The following MAGI2 variants were observed in gnomAD, a reference collection of about 807,000 sequenced individuals.
The protein encoded by MAGI2 is membrane associated guanylate kinase, WW and PDZ domain containing 2, also known as membrane-associated guanylate kinase, WW and PDZ domain-containing protein 2.
Under a neutral mutation model 133.3 loss-of-function variants are expected in MAGI2, and 35 were observed. That is an observed-to-expected ratio of 0.26 (90% confidence interval 0.20 to 0.35). The LOEUF is 0.35. Among genes scored for constraint, MAGI2 ranks in the 10% least tolerant of loss-of-function variants. The pLI, the probability that MAGI2 is intolerant of heterozygous loss-of-function variation, is 1.00. For synonymous variants in MAGI2, 729 were observed against 710.6 expected, an observed-to-expected ratio of 1.03 and a Z score of -0.41; for missense variants, 1,636 against 1,863.4, an observed-to-expected ratio of 0.88 and a Z score of 2.25.
In MAGI2 at chr7:79,020,219, TG is replaced by T. The variant is rs543524419; in HGVS notation, c.302-13014del. Among the ~76,000 whole-genome samples the T allele has an allele frequency of 1.3e-3, 197 of 152,292 alleles. 3 individuals are homozygous for T. Among genetic ancestry groups the T allele is most frequent in the Admixed American group, 1.4e-3 (22 of 15,304 alleles). ...CCTACCTTAGAGACGTGTGGAACTT[TG>T]AACTTGAGAGAGATGATTTAGGGTA... On this transcript the variant is annotated intron_variant, in intron 1 of 21. Transcript: ENST00000354212.
rs374531726 is a variant in MAGI2 at position 79,316,119 on chromosome 7, G to A, written c.301+136901C>T. ...AAAATTCAAAAAGGATGGGGGGCCA[G>A]GTCAAGGCTGAGAAGGAAGAGACTT... is the stretch of plus-strand genomic sequence containing the variant. On this transcript the variant is annotated intron_variant, in intron 1 of 21. Coordinates refer to ENST00000354212, the MANE Select transcript of MAGI2 (RefSeq NM_012301.4). Among the ~76,000 whole-genome samples, 7 of 152,220 alleles carry A rather than the reference G, an allele frequency of 4.6e-5. No homozygotes were observed. In the East Asian group the frequency reaches 9.7e-4, roughly 21 times the overall value.
chr7:78,722,479 G>A (rs547987955), intron 2 of MAGI2, among the ~76,000 whole-genome samples: 13 of 152,070 alleles, frequency 8.5e-5, no homozygotes, highest in African/African-American at 3.1e-4. Flanking sequence ...ATATTCAAAT[G>A]TTACAAAATG....
At chr7:78,792,972 A>C (rs1388860122) in intron 2 of MAGI2, among the ~76,000 whole-genome samples, 1 of 152,232 alleles carries the variant, frequency 6.6e-6, no homozygotes, top group Non-Finnish European at 1.5e-5. Context: ...GACTGGCTCC[A>C]TGTCTTTCAG....
chr7:79,044,733 C>T (rs1293461799), intron 1 of MAGI2, among the ~76,000 whole-genome samples: 1 of 152,164 alleles, frequency 6.6e-6, no homozygotes, highest in Non-Finnish European at 1.5e-5. Context: ...TTTCAGGATA[C>T]AAAATCAATG....
chr7:79,152,573 T>C (rs564207772), intron 1 of MAGI2, among the ~76,000 whole-genome samples: 14 of 152,226 alleles, frequency 9.2e-5, no homozygotes, highest in African/African-American at 3.4e-4. Flanking sequence ...CAGGCAACAC[T>C]GTCTGCTGGT....
chr7:78,418,719 G>A (rs1455709920), intron 6 of MAGI2, among the ~76,000 whole-genome samples: 1 of 152,112 alleles, frequency 6.6e-6, no homozygotes, highest in Non-Finnish European at 1.5e-5. Flanking sequence ...ACTGTTTGAT[G>A]GCAAAGTCAG....
At chr7:78,150,852 C>T (rs966004463) in intron 16 of MAGI2, among the ~76,000 whole-genome samples, 1 of 152,046 alleles carries the variant, frequency 6.6e-6, no homozygotes, top group African/African-American at 2.4e-5. Flanking sequence ...TGTGAACACA[C>T]AGATTTTTTT....
At chr7:78,363,783 C>T (rs901807699) in intron 7 of MAGI2, among the ~76,000 whole-genome samples, 2 of 152,126 alleles carry the variant, frequency 1.3e-5, no homozygotes, top group Non-Finnish European at 2.9e-5. Context: ...TAAATACCAA[C>T]TCTGGAATAA....
intron 1 of MAGI2, among the ~76,000 whole-genome samples, chr7:79,101,416 C>A (rs1363415803): frequency 6.6e-6 from 1 of 152,026 alleles, no homozygotes; most frequent in African/African-American, 2.4e-5. Context: ...AAAGTTAATG[C>A]TGATGGTTTT....
rs545930356 is a variant in MAGI2 at position 79,433,469 on chromosome 7, C to T, written c.301+19551G>A. Reference sequence around the variant, plus strand: ...TCGGGAGGCTGAGGCAGGAGAATGGCGTGCACCCGGGAGGCGGAGCTTGCA... The same window carrying T: ...TCGGGAGGCTGAGGCAGGAGAATGGTGTGCACCCGGGAGGCGGAGCTTGCA... On this transcript the variant is annotated intron_variant, in intron 1 of 21. Coordinates refer to ENST00000354212, the MANE Select transcript of MAGI2 (RefSeq NM_012301.4). 5.3e-5 allele frequency among the ~76,000 whole-genome samples: 8 copies of T among 151,988 alleles called. No individual in the cohort carries two copies. The South Asian group carries it at 1.0e-3, about 20-fold the overall frequency.
intron 2 of MAGI2, among the ~76,000 whole-genome samples, chr7:78,663,765 TA>T (rs1414825664): frequency 6.6e-6 from 1 of 152,182 alleles, no homozygotes; most frequent in Non-Finnish European, 1.5e-5. Flanking sequence ...GAAATAGCCT[TA>T]ATGCATAACA....
At chr7:78,118,795 T>C (rs1820134337) in intron 20 of MAGI2, among the ~76,000 whole-genome samples, 1 of 152,172 alleles carries the variant, frequency 6.6e-6, no homozygotes, top group South Asian at 2.1e-4. Context: ...CTGCTGGTTG[T>C]TTCTTACAAA....
At chr7:79,266,511 G>A (rs1834470430) in intron 1 of MAGI2, among the ~76,000 whole-genome samples, 1 of 152,082 alleles carries the variant, frequency 6.6e-6, no homozygotes, top group East Asian at 1.9e-4. Flanking sequence ...TCCCCACTAA[G>A]GGGAGTAGGG....
intron 1 of MAGI2, among the ~76,000 whole-genome samples, chr7:79,214,397 CTCTCTCTCTCTATATATATA>C (rs1246208531): frequency 4.4e-4 from 36 of 82,724 alleles, no homozygotes; most frequent in African/African-American, 1.9e-3. Context: ...CTCTCTCTCT[CTCTCTCTCTCTATATATATA>C]TATATATATA....
intron 1 of MAGI2, among the ~76,000 whole-genome samples, chr7:79,193,652 C>G (rs894848874): frequency 4.6e-5 from 7 of 151,620 alleles, no homozygotes; most frequent in African/African-American, 1.7e-4. Flanking sequence ...ATTAAAAATA[C>G]CATGAAAAGT....
In MAGI2 at chr7:78,069,012, T is replaced by C. The variant is rs146479630; in HGVS notation, c.3706+9935A>G. ...CTTTTCTGGAATCAACATTCTCACATTGTGAACTACAGGGCCAGACTCTCC... is the reference window on the plus strand; with the variant it reads ...CTTTTCTGGAATCAACATTCTCACACTGTGAACTACAGGGCCAGACTCTCC... On this transcript the variant is annotated intron_variant, in intron 21 of 21. Coordinates refer to ENST00000354212, the MANE Select transcript of MAGI2 (RefSeq NM_012301.4). Among the ~76,000 whole-genome samples the C allele has an allele frequency of 2.7e-3, 414 of 152,308 alleles. 1 individual carries two copies. Among genetic ancestry groups the C allele is most frequent in the African/African-American group, 9.7e-3 (405 of 41,570 alleles).
Position 78,768,321 on chromosome 7 carries a change from TCTA to T in MAGI2, c.419-141085_419-141083del, listed in dbSNP as rs961208504. 2.6e-5 allele frequency among the ~76,000 whole-genome samples: 4 copies of T among 152,340 alleles called. No individual in the cohort carries two copies. In the East Asian group the frequency reaches 7.7e-4, roughly 29 times the overall value. On this transcript the variant is annotated intron_variant, in intron 2 of 21. Coordinates refer to ENST00000354212, the MANE Select transcript of MAGI2 (RefSeq NM_012301.4). ...CCTCACCTATTGTTTTGTTTGCTGT[TCTA>T]CTATAATTGCATCAATTTCCCCAAA...
chr7:78,223,644 TAAC>T (rs1316227235), intron 10 of MAGI2, among the ~76,000 whole-genome samples: 18 of 152,312 alleles, frequency 1.2e-4, no homozygotes, highest in Non-Finnish European at 1.3e-4. Context: ...GATAAGGACT[TAAC>T]AAGATAATTT....
intron 21 of MAGI2, among the ~76,000 whole-genome samples, chr7:78,021,975 C>G (rs575751925): frequency 6.6e-6 from 1 of 152,156 alleles, no homozygotes; most frequent in African/African-American, 2.4e-5. Context: ...CTGTGGAAGC[C>G]GCCTCATTAA....
Sources: gnomAD v4.1 joint callset for allele counts (sites outside exome capture counted in the v4.1 genomes callset) on GRCh38, gnomAD v4.1.1 for gene constraint, MANE v1.5 for transcripts, NCBI Gene and HGNC (gene_info 2026-07-23, HGNC 2026-07-21) for gene names.